The following MYZAP variants were observed in gnomAD, a reference collection of about 807,000 sequenced individuals.
MYZAP encodes GRINL1A complex locus upstream.
MYZAP carries 66 observed loss-of-function variants against 69.4 expected under a neutral mutation model. The observed-to-expected ratio is 0.95, with a 90% CI of 0.78 to 1.17. MYZAP has a LOEUF of 1.17. Ranked by LOEUF, MYZAP falls within the 50% of genes most tolerant of loss-of-function variation. MYZAP has a pLI of 0.00. For synonymous variants in MYZAP, 256 were observed against 205.9 expected, an observed-to-expected ratio of 1.24 and a Z score of -2.09; for missense variants, 611 against 556.2, an observed-to-expected ratio of 1.10 and a Z score of -0.99.
chr15:57,640,403 T>A (rs191378002), intron 10 of MYZAP, among the ~76,000 whole-genome samples: 18 of 152,300 alleles, frequency 1.2e-4, no homozygotes, highest in African/African-American at 4.1e-4. Flanking sequence ...TTGAGTCTAA[T>A]TCTCTAACCT....
At chr15:57,598,110 T>A (rs1283589073) in intron 1 of MYZAP, among the ~76,000 whole-genome samples, 5 of 152,162 alleles carry the variant, frequency 3.3e-5, no homozygotes, top group African/African-American at 9.7e-5. Flanking sequence ...GAGATAGATA[T>A]TTTTCCCCTG....
intron 1 of MYZAP, among the ~76,000 whole-genome samples, chr15:57,602,557 G>A (rs1052438223): frequency 6.6e-6 from 1 of 152,198 alleles, no homozygotes; most frequent in Non-Finnish European, 1.5e-5. Context: ...GAGATGCCAG[G>A]AAGGCGGTCA....
Position 57,682,564 on chromosome 15 carries a change from A to C in MYZAP, c.1305-1838A>C, listed in dbSNP as rs191902835. On this transcript the variant is annotated intron_variant, in intron 12 of 12. Coordinates refer to ENST00000267853, the MANE Select transcript of MYZAP (RefSeq NM_001018100.5). ...CCTGCCTTCAGAATAATCCTTCCCT[A>C]GTCAACCCTCGATAGTACCAGAGGA... Among the ~76,000 whole-genome samples the C allele has an allele frequency of 1.2e-4, 18 of 152,272 alleles. No individual in the cohort carries two copies. In the East Asian group the frequency reaches 3.5e-3, roughly 29 times the overall value.
intron 2 of MYZAP, among the ~76,000 whole-genome samples, chr15:57,611,133 T>C (rs2035079187): frequency 6.6e-6 from 1 of 152,176 alleles, no homozygotes; most frequent in Non-Finnish European, 1.5e-5. Context: ...GTTTTGTGTG[T>C]TTTATTCTGT....
intron 11 of MYZAP, among the ~76,000 whole-genome samples, chr15:57,664,309 C>T (rs1350070612): frequency 6.6e-6 from 1 of 152,188 alleles, no homozygotes; most frequent in Non-Finnish European, 1.5e-5. Context: ...CTCCTTATCA[C>T]TGTCTTTAGC....
In MYZAP at chr15:57,606,213, C is replaced by A. The variant is rs114024340; in HGVS notation, c.162+1858C>A. 5.1e-3 allele frequency among the ~76,000 whole-genome samples: 784 copies of A among 152,256 alleles called. 7 individuals are homozygous for A. Among genetic ancestry groups the A allele is most frequent in the African/African-American group, 0.018 (731 of 41,546 alleles). ...AGTAGGCAGGCAGCCAGCATTTCAA[C>A]CAAGTGATCCAACCTAACTTCACCA... On this transcript the variant is annotated intron_variant, in intron 2 of 12. Coordinates refer to ENST00000267853, the MANE Select transcript of MYZAP (RefSeq NM_001018100.5).
chr15:57,666,666 A>T (rs1414064655), intron 11 of MYZAP, among the ~76,000 whole-genome samples: 2 of 152,090 alleles, frequency 1.3e-5, no homozygotes, highest in African/African-American at 4.8e-5. Context: ...GGGGATTACT[A>T]GATGCGGGAA....
Position 57,629,733 on chromosome 15 carries a change from G to A in MYZAP, c.557G>A (p.Ser186Asn), listed in dbSNP as rs1432175318. The part of the protein sequence containing the change: ...KTLVDVTLEN[S>N]NIKDQIRNLQ... ...CTCGTGGATGTGACTTTGGAAAACAGCAACATTAAGGATCAAATCAGAAAT... is the reference window on the plus strand; with the variant it reads ...CTCGTGGATGTGACTTTGGAAAACAACAACATTAAGGATCAAATCAGAAAT... The change falls in exon 6 of 13, where the codon AGC (serine) becomes AAC (asparagine). Residue 186 changes from serine to asparagine, a missense_variant. Ser to Asn is a conservative substitution (Grantham distance 46, BLOSUM62 1). Transcript: ENST00000267853. 2 of 1,610,782 alleles carry A rather than the reference G, an allele frequency of 1.2e-6. No individual in the cohort carries two copies. Among genetic ancestry groups the A allele is most frequent in the East Asian group, 2.2e-5 (1 of 44,856 alleles).
chr15:57,674,793 G>T (rs1169609299), intron 11 of MYZAP, among the ~76,000 whole-genome samples, 175 bp from the exon 12 acceptor site: 1 of 152,308 alleles, frequency 6.6e-6, no homozygotes, highest in Admixed American at 6.5e-5. Flanking sequence ...CCATTTGTAT[G>T]CATTCAGTCA....
In MYZAP at chr15:57,618,143, G is replaced by A. The variant is rs1294462669; in HGVS notation, c.273G>A (p.Gly91=). 6.2e-7 allele frequency: 1 copy of A among 1,614,200 alleles called. No homozygotes were observed. The highest frequency in any genetic ancestry group is 8.5e-7 in the Non-Finnish European group (1 of 1,180,024). Residue 91 remains glycine (G), a synonymous_variant, in exon 3 of 13, where the codon GGG becomes GGA. Transcript: ENST00000267853. The stretch of plus-strand genomic sequence containing the variant: ...AGCAGAAAGAAATGGTGGTGTATGG[G>A]TGGTCCACCAGTCAGCTGAAAGAAG... ...QNQQKEMVVY[G]WSTSQLKEEM...
At chr15:57,647,934 C>G (rs563127950) in intron 10 of MYZAP, 97 of 985,328 alleles carry the variant, frequency 9.8e-5, no homozygotes, top group Non-Finnish European at 6.5e-5. Context: ...TGAAATCCTG[C>G]CCCGCCACCG....
At chr15:57,600,808 G>A (rs2034360349) in intron 1 of MYZAP, among the ~76,000 whole-genome samples, 2 of 152,316 alleles carry the variant, frequency 1.3e-5, no homozygotes, top group African/African-American at 2.4e-5. Context: ...CTGGCTGGGT[G>A]CAGTGGCTCA....
intron 11 of MYZAP, among the ~76,000 whole-genome samples, chr15:57,670,018 T>G (rs2038792213): frequency 6.6e-6 from 1 of 152,154 alleles, no homozygotes; most frequent in South Asian, 2.1e-4. Flanking sequence ...AACTTTTAAT[T>G]TATTGGGACT....
chr15:57,646,988 G>C, intron 10 of MYZAP: 1 of 985,434 alleles, frequency 1.0e-6, no homozygotes, highest in African/African-American at 1.7e-5. Context: ...ACTAGCAGTA[G>C]TAGCTGCAGT....
intron 7 of MYZAP, 114 bp downstream of exon 7, chr15:57,632,673 T>C (rs2036579196): frequency 2.7e-6 from 4 of 1,504,272 alleles, no homozygotes; most frequent in Non-Finnish European, 3.6e-6. Flanking sequence ...GACTCAGCCA[T>C]GGGTAAGGGA....
chr15:57,672,968 G>A (rs1255661827), intron 11 of MYZAP, among the ~76,000 whole-genome samples: 1 of 151,996 alleles, frequency 6.6e-6, no homozygotes, highest in Non-Finnish European at 1.5e-5. Context: ...CCCCAAGACC[G>A]AGCTCCTCAA....
chr15:57,608,562 A>T (rs546233401), intron 2 of MYZAP, among the ~76,000 whole-genome samples: 1 of 152,318 alleles, frequency 6.6e-6, no homozygotes, highest in Admixed American at 6.5e-5. Flanking sequence ...TATGCTGACC[A>T]CAGATGAGCT....
At chr15:57,641,731 A>G (rs1419564958) in intron 10 of MYZAP, among the ~76,000 whole-genome samples, 3 of 152,266 alleles carry the variant, frequency 2.0e-5, no homozygotes, top group Non-Finnish European at 2.9e-5. Context: ...GTGTTTGCCC[A>G]GCATACTACA....
chr15:57,632,653 T>G, intron 7 of MYZAP, 94 bp downstream of exon 7: 1 of 1,547,884 alleles, frequency 6.5e-7, no homozygotes, highest in Non-Finnish European at 8.7e-7. Context: ...TTCTTAGAGG[T>G]GGGTCAGTAG....
Sources: gnomAD v4.1 joint callset for allele counts (sites outside exome capture counted in the v4.1 genomes callset) on GRCh38, gnomAD v4.1.1 for gene constraint, MANE v1.5 for transcripts, NCBI Gene and HGNC (gene_info 2026-07-23, HGNC 2026-07-21) for gene names.